PPM1L: variants seen among roughly 807,000 people sequenced by gnomAD.
PPM1L encodes the protein protein phosphatase 1L.
In PPM1L, 13 loss-of-function variants were observed where a neutral mutation model predicts 31.4. The ratio of observed to expected loss-of-function variants is 0.41; its 90% CI spans 0.27 to 0.66. PPM1L has a LOEUF of 0.66. Ranked by LOEUF, PPM1L falls within the 30% of genes least tolerant of loss-of-function variation. The probability of loss-of-function intolerance (pLI) is 0.29; values close to 1 mark genes in which losing one functional copy is unlikely to be tolerated. For synonymous variants in PPM1L, 184 were observed against 175.4 expected (o/e 1.05, Z -0.39); for missense variants, 326 against 453.7 (o/e 0.72, Z 2.56).
At chr3:160,910,526 C>G (rs1417146312) in intron 1 of PPM1L, among the ~76,000 whole-genome samples, 2 of 152,034 alleles carry the variant, frequency 1.3e-5, no homozygotes, top group African/African-American at 4.8e-5. Context: ...TGACCAGCCT[C>G]AAGTGAACTT....
At chr3:161,005,870 A>C in intron 2 of PPM1L, among the ~76,000 whole-genome samples, 1 of 152,216 alleles carries the variant, frequency 6.6e-6, no homozygotes, top group Non-Finnish European at 1.5e-5. Flanking sequence ...AAACCATAAA[A>C]TTATTAGAAG....
intron 2 of PPM1L, among the ~76,000 whole-genome samples, chr3:160,970,590 C>T (rs1327715231): frequency 3.3e-5 from 5 of 151,264 alleles, no homozygotes; most frequent in Non-Finnish European, 7.4e-5. Context: ...GCTGGGACTA[C>T]AGGCATGTGC....
chr3:161,022,208 A>G (rs765958588), intron 2 of PPM1L: 4 of 665,804 alleles, frequency 6.0e-6, no homozygotes, highest in African/African-American at 1.8e-5. Flanking sequence ...GCTTCAAAAT[A>G]TCTAGTTCAT....
At chr3:160,997,519 T>C (rs1173598317) in intron 2 of PPM1L, among the ~76,000 whole-genome samples, 1 of 152,198 alleles carries the variant, frequency 6.6e-6, no homozygotes, top group Non-Finnish European at 1.5e-5. Flanking sequence ...GTTGAATTTT[T>C]TTACGAGACT....
chr3:161,019,420 A>G (rs566731682), intron 2 of PPM1L, among the ~76,000 whole-genome samples: 1 of 152,220 alleles, frequency 6.6e-6, no homozygotes, highest in African/African-American at 2.4e-5. Flanking sequence ...TTGGTCTCGA[A>G]CTCCAGATCT....
intron 1 of PPM1L, among the ~76,000 whole-genome samples, chr3:160,958,808 T>C (rs189189774): frequency 1.3e-5 from 2 of 152,330 alleles, no homozygotes; most frequent in Admixed American, 1.3e-4. Context: ...GGGGATAAAA[T>C]ATAACTTTTC....
intron 2 of PPM1L, among the ~76,000 whole-genome samples, chr3:161,053,821 A>G (rs181510148): frequency 1.3e-5 from 2 of 152,352 alleles, no homozygotes; most frequent in African/African-American, 4.8e-5. Context: ...GAATTAAACT[A>G]TATAGCACTA....
chr3:160,978,369 A>G (rs4679927), intron 2 of PPM1L, among the ~76,000 whole-genome samples: 129,011 of 152,176 alleles, frequency 0.85, 54,935 homozygotes, highest in Middle Eastern at 0.92. Context: ...GCAGCATCTG[A>G]GCAGAACTGG....
intron 1 of PPM1L, among the ~76,000 whole-genome samples, chr3:160,788,097 G>A (rs1711987189): frequency 6.6e-6 from 1 of 151,988 alleles, no homozygotes; most frequent in South Asian, 2.1e-4. Context: ...GGCTATTGTG[G>A]GCTCTTTTTT....
intron 1 of PPM1L, among the ~76,000 whole-genome samples, chr3:160,888,035 A>T (rs889136884): frequency 6.6e-6 from 1 of 152,210 alleles, no homozygotes; most frequent in Non-Finnish European, 1.5e-5. Context: ...TGAAAGAAGC[A>T]CTAAATACGA....
At chr3:160,790,532 C>T (rs1412211525) in intron 1 of PPM1L, among the ~76,000 whole-genome samples, 1 of 151,966 alleles carries the variant, frequency 6.6e-6, no homozygotes, top group Non-Finnish European at 1.5e-5. Flanking sequence ...GGGGGCTCTA[C>T]TAATAGAGAG....
intron 1 of PPM1L, 143 bp from the exon 2 acceptor site, chr3:160,961,593 A>G (rs1175627351): frequency 1.7e-6 from 1 of 577,464 alleles, no homozygotes; most frequent in Non-Finnish European, 2.8e-6. Context: ...TGGATACTAA[A>G]AATGACGATG....
chr3:160,975,367 G>A (rs1489683094), intron 2 of PPM1L, among the ~76,000 whole-genome samples: 1 of 151,922 alleles, frequency 6.6e-6, no homozygotes, highest in African/African-American at 2.4e-5. Context: ...CTCTTTTTTG[G>A]TTCCATATGA....
chr3:160,854,525 G>A (rs756594603), intron 1 of PPM1L, among the ~76,000 whole-genome samples: 3 of 151,988 alleles, frequency 2.0e-5, no homozygotes, highest in Admixed American at 6.6e-5. Flanking sequence ...TGCAAAAATC[G>A]GTAGCATTTC....
chr3:160,872,704 A>G (rs910297243), intron 1 of PPM1L, among the ~76,000 whole-genome samples: 1 of 152,142 alleles, frequency 6.6e-6, no homozygotes, highest in Non-Finnish European at 1.5e-5. Context: ...AGGCGGGTGG[A>G]TCATGAGGTC....
intron 1 of PPM1L, among the ~76,000 whole-genome samples, chr3:160,782,400 A>C (rs922087892): frequency 2.6e-5 from 4 of 152,214 alleles, no homozygotes; most frequent in Non-Finnish European, 5.9e-5. Context: ...TCACTTGTGA[A>C]AGTTTCAGTG....
At chr3:160,842,859 T>C (rs990484218) in intron 1 of PPM1L, among the ~76,000 whole-genome samples, 1 of 152,310 alleles carries the variant, frequency 6.6e-6, no homozygotes, top group East Asian at 1.9e-4. Flanking sequence ...TTAAGCACTT[T>C]GAGACAGAAG....
chr3:161,038,179 A>C (rs1284999378), intron 2 of PPM1L, among the ~76,000 whole-genome samples: 1 of 140,876 alleles, frequency 7.1e-6, no homozygotes, highest in Non-Finnish European at 1.5e-5. Context: ...GCTTGCAGTG[A>C]GCCGAGATCC....
At chr3:161,035,061 A>G (rs889667316) in intron 2 of PPM1L, among the ~76,000 whole-genome samples, 2 of 149,410 alleles carry the variant, frequency 1.3e-5, no homozygotes, top group Non-Finnish European at 3.0e-5. Flanking sequence ...AGGGAGGGGA[A>G]CATCACACAC....
Sources: gnomAD v4.1 joint callset for allele counts (sites outside exome capture counted in the v4.1 genomes callset) on GRCh38, gnomAD v4.1.1 for gene constraint, MANE v1.5 for transcripts, NCBI Gene and HGNC (gene_info 2026-07-23, HGNC 2026-07-21) for gene names.